MYH16: variants seen among roughly 807,000 people sequenced by gnomAD.
MYH16 encodes the protein putative uncharacterized protein MYH16.
chr7:99,243,566 G>A (rs540521753), intron 2 of MYH16: 7 of 152,456 alleles, frequency 4.6e-5, no homozygotes, highest in East Asian at 1.9e-4. Context: ...CAGGGACCAC[G>A]TTTCTGACAT....
chr7:99,254,389 C>T (rs548052579), intron 8 of MYH16: 1 of 152,304 alleles, frequency 6.6e-6, no homozygotes, highest in African/African-American at 2.4e-5. Flanking sequence ...GCTTTGAGTA[C>T]CTGCAAAATC....
chr7:99,268,358 G>T (rs1382175227), intron 18 of MYH16, among the ~76,000 whole-genome samples: 2 of 152,248 alleles, frequency 1.3e-5, no homozygotes. Context: ...AGCCTGGAGA[G>T]GGGGTGGAGG....
At chr7:99,270,761 G>C (rs539135351) in intron 18 of MYH16, among the ~76,000 whole-genome samples, 3 of 152,234 alleles carry the variant, frequency 2.0e-5, no homozygotes, top group East Asian at 1.9e-4. Flanking sequence ...GCATGTGCCT[G>C]TAGTCTCAGC....
At chr7:99,246,517 T>A (rs550169544) in intron 2 of MYH16, among the ~76,000 whole-genome samples, 1 of 152,014 alleles carries the variant, frequency 6.6e-6, no homozygotes. Flanking sequence ...GCCTGGCCAA[T>A]ATGGCGAAAC....
chr7:99,293,748 G>A (rs1792427263), intron 32 of MYH16, among the ~76,000 whole-genome samples: 1 of 152,200 alleles, frequency 6.6e-6, no homozygotes, highest in Non-Finnish European at 1.5e-5. Context: ...TCGTTTGTTA[G>A]GGCAGGTATC....
At chr7:99,289,851 G>C (rs1792343059) in intron 30 of MYH16, among the ~76,000 whole-genome samples, 1 of 152,152 alleles carries the variant, frequency 6.6e-6, no homozygotes, top group African/African-American at 2.4e-5. Flanking sequence ...TGCTAAGTTA[G>C]ATGCAGAACT....
chr7:99,270,625 T>A (rs997039985), intron 18 of MYH16, among the ~76,000 whole-genome samples: 92 of 150,352 alleles, frequency 6.1e-4, no homozygotes, highest in South Asian at 4.4e-4. Flanking sequence ...CCGAAAAAAA[T>A]TTTTTTAATT....
At chr7:99,258,031 C>G (rs575451498) in intron 10 of MYH16, 1 of 152,510 alleles carries the variant, frequency 6.6e-6, no homozygotes, top group South Asian at 2.1e-4. Flanking sequence ...CCCTTTCACC[C>G]GCTCCGTGAA....
chr7:99,276,854 T>TGA lies in MYH16; in HGVS notation n.2486-672_2486-671dup, dbSNP rs897547281. On this transcript the variant is annotated intron_variant and non_coding_transcript_variant, in intron 20 of 41. Transcript: ENST00000439784. ...AAAACAAAGAGAAAGACACAGAAAA[T>TGA]GAGAGAGAGAGAGACAGCACAACAG... is the stretch of plus-strand genomic sequence containing the variant. Among the ~76,000 whole-genome samples the TGA allele has an allele frequency of 3.7e-3, 508 of 136,076 alleles. 1 individual carries two copies. The highest frequency in any genetic ancestry group is 0.013 in the African/African-American group (495 of 36,886). The allele number at this position is 136,076 out of a possible 152,430, so 89.3% of individuals were successfully genotyped here.
chr7:99,240,679 C>T (rs1371601875), intron 1 of MYH16, among the ~76,000 whole-genome samples: 1 of 151,878 alleles, frequency 6.6e-6, no homozygotes, highest in Non-Finnish European at 1.5e-5. Context: ...AACGAGGCCC[C>T]GTTTCTACAA....
At chr7:99,301,217 A>AG (rs1792590413) in intron 37 of MYH16, among the ~76,000 whole-genome samples, 2 of 146,956 alleles carry the variant, frequency 1.4e-5, no homozygotes, top group Non-Finnish European at 3.0e-5. Flanking sequence ...AAAAAAAAAA[A>AG]AGAGAGAGAG....
At chr7:99,239,955 G>A (rs1791647420) in intron 1 of MYH16, among the ~76,000 whole-genome samples, 1 of 152,190 alleles carries the variant, frequency 6.6e-6, no homozygotes, top group East Asian at 1.9e-4. Flanking sequence ...GACCAAGACA[G>A]GAGGATTACT....
At chr7:99,278,538 T>C (rs1259889908) in intron 21 of MYH16, among the ~76,000 whole-genome samples, 1 of 152,196 alleles carries the variant, frequency 6.6e-6, no homozygotes, top group African/African-American at 2.4e-5. Flanking sequence ...GCAAAGCTTT[T>C]CCTATTCCTT....
chr7:99,240,778 T>C (rs1791658148), intron 1 of MYH16, among the ~76,000 whole-genome samples: 1 of 151,116 alleles, frequency 6.6e-6, no homozygotes, highest in Non-Finnish European at 1.5e-5. Flanking sequence ...AAGCTGAGGC[T>C]GCAGTGAGCT....
chr7:99,288,059 G>GC (rs1248359672), exon 29 of MYH16: 1 of 456,792 alleles, frequency 2.2e-6, no homozygotes, highest in South Asian at 1.5e-5. Flanking sequence ...TCAAGTCCAA[G>GC]CTAGAGAAAG....
chr7:99,295,836 G>GAA (rs869299904), intron 33 of MYH16, among the ~76,000 whole-genome samples: 114 of 56,672 alleles, frequency 2.0e-3, no homozygotes, highest in African/African-American at 7.2e-3. Context: ...TCATCTCTTG[G>GAA]AAAAAAAAAA....
At chr7:99,272,738 C>T (rs1377061914) in intron 19 of MYH16, among the ~76,000 whole-genome samples, 101 bp from the exon 1 acceptor site, 1 of 151,444 alleles carries the variant, frequency 6.6e-6, no homozygotes, top group African/African-American at 2.4e-5. Context: ...CAGAGTGAGA[C>T]CCTGTCTCAA....
intron 8 of MYH16, among the ~76,000 whole-genome samples, chr7:99,254,407 T>C (rs1339141591): frequency 6.6e-6 from 1 of 152,174 alleles, no homozygotes; most frequent in African/African-American, 2.4e-5. Flanking sequence ...ATCTGGGATA[T>C]AAAACTGAGA....
downstream of MYH16, among the ~76,000 whole-genome samples, chr7:99,310,588 TTAC>T (rs929173865): frequency 2.0e-5 from 3 of 152,116 alleles, no homozygotes; most frequent in African/African-American, 7.2e-5. Context: ...ACAGTATCCA[TTAC>T]TAGGAAGGAA....
Sources: gnomAD v4.1 joint callset for allele counts (sites outside exome capture counted in the v4.1 genomes callset) on GRCh38, gnomAD v4.1.1 for gene constraint, MANE v1.5 for transcripts, NCBI Gene and HGNC (gene_info 2026-07-23, HGNC 2026-07-21) for gene names.